Variants in F2RL2 observed in about 807,000 individuals in gnomAD.
F2RL2 encodes the protein proteinase-activated receptor 3.
F2RL2 carries 4 observed loss-of-function variants against 4.3 expected under a neutral mutation model. The ratio of observed to expected loss-of-function variants is 0.93; its 90% CI spans 0.46 to 2.12. The LOEUF (loss-of-function observed/expected upper bound fraction) is 2.12, where lower values mean the gene tolerates loss of function less well. F2RL2 is among the 30% of genes most tolerant of loss of function. The pLI is 0.02. For missense variants in F2RL2, 408 were observed against 449.3 expected (o/e 0.91, Z 0.83); for synonymous variants, 166 against 170.9 (o/e 0.97, Z 0.22).
rs1387126541 is a variant in F2RL2 at position 76,615,488 on chromosome 5, TA to T, written c.*2093del. On this transcript the variant is annotated 3_prime_UTR_variant, in exon 2 of 2. Transcript: ENST00000296641. Reference sequence around the variant, plus strand: ...CTGTGTACATTTAAAAATATGCATTTAAAATTGTTTTTTATTGTTTTGTTGG... The same window carrying T: ...CTGTGTACATTTAAAAATATGCATTTAAATTGTTTTTTATTGTTTTGTTGG... 6.6e-6 allele frequency: 1 copy of T among 152,246 alleles called. No homozygotes were observed. Among genetic ancestry groups the T allele is most frequent in the Non-Finnish European group, 1.5e-5 (1 of 68,042 alleles). 9.4% of individuals were successfully genotyped at this position (152,246 alleles called of 1,614,324 possible).
At chr5:76,622,222 C>T (rs367859520) in intron 1 of F2RL2, among the ~76,000 whole-genome samples, 5 of 152,148 alleles carry the variant, frequency 3.3e-5, no homozygotes, top group East Asian at 1.9e-4. Flanking sequence ...GAACCACCCC[C>T]GAAAACCTTG....
At position 76,617,952 on chromosome 5, in the gene F2RL2, C is replaced by T. The variant is rs775017442; in HGVS notation, c.755G>A (p.Cys252Tyr). ...ITTCHDVHNT[C>Y]ESSSPFQLYY... Reference sequence around the variant, plus strand: ...GAGTTGGAAGGGAGATGAGGACTCGCAAGTGTTGTGAACATCATGGCAGGT... The same window carrying T: ...GAGTTGGAAGGGAGATGAGGACTCGTAAGTGTTGTGAACATCATGGCAGGT... Residue 252 changes from cysteine to tyrosine, a missense_variant, in exon 2 of 2, where the codon TGC becomes TAC. Transcript: ENST00000296641. 1 of 1,614,042 alleles carries T rather than the reference C, an allele frequency of 6.2e-7. No individual in the cohort carries two copies. The highest frequency in any genetic ancestry group is 2.2e-5 in the East Asian group (1 of 44,856).
chr5:76,620,735 A>C (rs1310049233), intron 1 of F2RL2, among the ~76,000 whole-genome samples: 1 of 152,142 alleles, frequency 6.6e-6, no homozygotes, highest in African/African-American at 2.4e-5. Context: ...CTTTAGGGGT[A>C]ATGACAGATT....
rs571289488 is a variant in F2RL2, at chr5:76,621,210, C to A, written c.64+1957G>T. ...GCTTTAATCTCTAGCAGTTAGCTCCCGGGTGAAATGGAAACCCTCCACGTA... is the reference window on the plus strand; with the variant it reads ...GCTTTAATCTCTAGCAGTTAGCTCCAGGGTGAAATGGAAACCCTCCACGTA... On this transcript the variant is annotated intron_variant, in intron 1 of 1. Transcript: ENST00000296641. Among the ~76,000 whole-genome samples the A allele has an allele frequency of 1.4e-4, 22 of 152,152 alleles. No individual in the cohort carries two copies. In the South Asian group the frequency reaches 4.3e-3, roughly 30 times the overall value.
In F2RL2 at chr5:76,621,694, C is replaced by A. The variant is rs3797397; in HGVS notation, c.64+1473G>T. Among the ~76,000 whole-genome samples the A allele has an allele frequency of 7.9e-5, 12 of 152,276 alleles. No individual in the cohort carries two copies. In the East Asian group the frequency reaches 2.3e-3, roughly 29 times the overall value. ...GAAAAGTTGATTTGATTCCATTTTC[C>A]GTGAGAATGCCAGATCTGGGTCCAC... On this transcript the variant is annotated intron_variant, in intron 1 of 1. Coordinates refer to ENST00000296641, the MANE Select transcript of F2RL2 (RefSeq NM_004101.4).
Position 76,618,473 on chromosome 5 carries a change from G to A in F2RL2, c.234C>T (p.Leu78=), listed in dbSNP as rs373533121. Residue 78 remains leucine (L), a synonymous_variant, in exon 2 of 2, where the codon CTC becomes CTT. Coordinates refer to ENST00000296641, the MANE Select transcript of F2RL2 (RefSeq NM_004101.4). ...IKCPEESASH[L]HVKNATMGYL... ...ACCCCATGGTAGCATTTTTCACATG[G>A]AGATGTGAAGCACTTTCTTCAGGGC... The A allele has an allele frequency of 3.5e-5, 56 of 1,614,062 alleles. 1 individual carries two copies. The highest frequency in any genetic ancestry group is 4.5e-5 in the Non-Finnish European group (53 of 1,180,036).
At chr5:76,619,205 G>A (rs377189441) in intron 1 of F2RL2, among the ~76,000 whole-genome samples, 40 of 152,334 alleles carry the variant, frequency 2.6e-4, no homozygotes, top group African/African-American at 8.9e-4. Flanking sequence ...CTATCTGTAA[G>A]TAATGCTACT....
chr5:76,618,358 AC>A lies in F2RL2; in HGVS notation c.348del (p.Trp117GlyfsTer34). On this transcript the variant is annotated frameshift_variant, in exon 2 of 2. Transcript: ENST00000296641. LOFTEE classifies it low-confidence loss of function (END_TRUNC). ...VVGVPANAVT[L>X]WMLFFRTRSI... ...GATCTGGTCCTGAAGAAAAGCATCC[AC>A]AGGGTCACAGCATTGGCCGGGACAC... 6.2e-7 allele frequency: 1 copy of A among 1,614,228 alleles called. No homozygotes were observed. The highest frequency in any genetic ancestry group is 8.5e-7 in the Non-Finnish European group (1 of 1,180,028).
In F2RL2 at chr5:76,617,870, G is replaced by A; in HGVS notation, c.837C>T (p.Ile279=). The A allele has an allele frequency of 6.2e-7, 1 of 1,614,088 alleles. No homozygotes were observed. The highest frequency in any genetic ancestry group is 8.5e-7 in the Non-Finnish European group (1 of 1,179,994). ...TCCGGATGATGGCTGCATAGCAGTAGATGATAAGCACAAATGGAATTAAGA... is the reference window on the plus strand; with the variant it reads ...TCCGGATGATGGCTGCATAGCAGTAAATGATAAGCACAAATGGAATTAAGA... ...FGFLIPFVLI[I]YCYAAIIRTL... The change falls in exon 2 of 2, where the codon ATC becomes ATT. Residue 279 remains isoleucine, a synonymous_variant. Coordinates refer to ENST00000296641, the MANE Select transcript of F2RL2 (RefSeq NM_004101.4).
chr5:76,623,291 T>C lies in F2RL2; in HGVS notation c.-61A>G. 1 of 1,584,412 alleles carries C rather than the reference T, an allele frequency of 6.3e-7. No individual in the cohort carries two copies. The highest frequency in any genetic ancestry group is 1.1e-5 in the South Asian group (1 of 90,414). On this transcript the variant is annotated 5_prime_UTR_variant, in exon 1 of 2. Coordinates refer to ENST00000296641, the MANE Select transcript of F2RL2 (RefSeq NM_004101.4). ...AAATCTGTAAAATCATGGAGCACAA[T>C]TTCACCTCAGTTCCATGTGTCAGCA...
In F2RL2 at chr5:76,623,392, C is replaced by T; in HGVS notation, c.-162G>A. 1 of 712,600 alleles carries T rather than the reference C, an allele frequency of 1.4e-6. No homozygotes were observed. Among genetic ancestry groups the T allele is most frequent in the Non-Finnish European group, 2.3e-6 (1 of 429,862 alleles). The allele number at this position is 712,600 out of a possible 1,614,324, so 44.1% of individuals were successfully genotyped here. A position where few individuals can be genotyped will look rare whatever the true frequency, so the allele number is the denominator to read the frequency against. ...CAGGCAGGAAACTTGCCCTGGTCCT[C>T]CGCAGGGAAAGGATGTAATCCACTC... On this transcript the variant is annotated 5_prime_UTR_variant, in exon 1 of 2. Coordinates refer to ENST00000296641, the MANE Select transcript of F2RL2 (RefSeq NM_004101.4).
Position 76,618,477 on chromosome 5 carries a change from T to C in F2RL2, c.230A>G (p.His77Arg), listed in dbSNP as rs768017400. 2.6e-5 allele frequency: 42 copies of C among 1,614,074 alleles called. No homozygotes were observed. The Admixed American group carries it at 7.0e-4, about 27-fold the overall frequency. ...KIKCPEESAS[H>R]LHVKNATMGY... ...CATGGTAGCATTTTTCACATGGAGATGTGAAGCACTTTCTTCAGGGCACTT... is the reference window on the plus strand; with the variant it reads ...CATGGTAGCATTTTTCACATGGAGACGTGAAGCACTTTCTTCAGGGCACTT... The change falls in exon 2 of 2, where the codon CAT becomes CGT. Residue 77 changes from histidine (H) to arginine (R), a missense_variant. Coordinates refer to ENST00000296641, the MANE Select transcript of F2RL2 (RefSeq NM_004101.4).
chr5:76,622,004 G>A (rs543380555), intron 1 of F2RL2, among the ~76,000 whole-genome samples: 19 of 152,142 alleles, frequency 1.2e-4, no homozygotes, highest in Non-Finnish European at 2.4e-4. Flanking sequence ...TTTACCTCTA[G>A]AGACAGAAAC....
chr5:76,620,353 T>A (rs533274854), intron 1 of F2RL2, among the ~76,000 whole-genome samples: 69 of 127,828 alleles, frequency 5.4e-4, no homozygotes, highest in Non-Finnish European at 1.1e-3. Context: ...TGATGGCGGC[T>A]TAAAGGGACT....
Position 76,620,399 on chromosome 5 carries a change from G to T in F2RL2, c.65-1757C>A, listed in dbSNP as rs117743522. On this transcript the variant is annotated intron_variant, in intron 1 of 1. Coordinates refer to ENST00000296641, the MANE Select transcript of F2RL2 (RefSeq NM_004101.4). ...TGGCTTTGGGGTGCAGTGAGGGAGA[G>T]GCAGGAAGCAATAATGACTCAGGTT... is the stretch of plus-strand genomic sequence containing the variant. Among the ~76,000 whole-genome samples the T allele has an allele frequency of 2.5e-4, 38 of 152,168 alleles. No individual in the cohort carries two copies. In the East Asian group the frequency reaches 5.0e-3, roughly 20 times the overall value.
intron 1 of F2RL2, among the ~76,000 whole-genome samples, chr5:76,620,166 C>T (rs1046873037): frequency 6.6e-6 from 1 of 152,048 alleles, no homozygotes. Flanking sequence ...CGAATATAGC[C>T]GTTATTTTGA....
chr5:76,623,172 T>C lies in F2RL2; in HGVS notation c.59A>G (p.Gln20Arg). 2 of 1,614,172 alleles carry C rather than the reference T, an allele frequency of 1.2e-6. No homozygotes were observed. Among genetic ancestry groups the C allele is most frequent in the Non-Finnish European group, 1.7e-6 (2 of 1,180,006 alleles). ...CCCCTGAGAAAATTGCTTACCACTC[T>C]GACAAAAAGTGGGCAACAGAAGCAG... is the stretch of plus-strand genomic sequence containing the variant. ...GLLLLLPTFC[Q>R]SGMENDTNNL... The change falls in exon 1 of 2, where the codon CAG becomes CGG. Residue 20 changes from glutamine to arginine, a missense_variant. By Grantham distance (43) the Gln-to-Arg change is conservative. Transcript: ENST00000296641.
intron 1 of F2RL2, 73 bp from the exon 2 acceptor site, chr5:76,618,715 A>G: frequency 3.9e-6 from 5 of 1,277,856 alleles, no homozygotes; most frequent in Non-Finnish European, 4.3e-6. Context: ...TTATTTGTAA[A>G]TAATTTCTGT....
At chr5:76,621,013 T>C (rs991186466) in intron 1 of F2RL2, among the ~76,000 whole-genome samples, 1 of 152,256 alleles carries the variant, frequency 6.6e-6, no homozygotes, top group African/African-American at 2.4e-5. Flanking sequence ...AGATTTCTAA[T>C]GTTACCTTTA....
Sources: allele counts gnomAD v4.1 joint callset (sites outside exome capture counted in the v4.1 genomes callset), GRCh38; gene constraint gnomAD v4.1.1; transcripts MANE v1.5; gene names NCBI Gene and HGNC (gene_info 2026-07-23, HGNC 2026-07-21).